Variants in PDS5B observed in about 807,000 individuals in gnomAD.
PDS5B encodes the protein PDS5 cohesin associated factor B.
Under a neutral mutation model 184.1 loss-of-function variants are expected in PDS5B, and 51 were observed. The observed-to-expected ratio is 0.28, with a 90% CI of 0.22 to 0.35. The LOEUF is 0.35. PDS5B is among the 10% of genes least tolerant of loss of function. The pLI is 1.00. For synonymous variants in PDS5B, 566 were observed against 569.2 expected, an observed-to-expected ratio of 0.99 and a Z score of 0.08; for missense variants, 1,180 against 1,723.3, an observed-to-expected ratio of 0.68 and a Z score of 5.58.
At chr13:32,719,031 A>G (rs564181528) in intron 19 of PDS5B, among the ~76,000 whole-genome samples, 1 of 152,352 alleles carries the variant, frequency 6.6e-6, no homozygotes, top group Non-Finnish European at 1.5e-5. Context: ...AAATTATTGC[A>G]TTAAGTGTAT....
chr13:32,659,770 A>G (rs1387437889), intron 6 of PDS5B, among the ~76,000 whole-genome samples: 1 of 152,224 alleles, frequency 6.6e-6, no homozygotes, highest in African/African-American at 2.4e-5. Context: ...TTTTGATTTT[A>G]GAAAATGACT....
chr13:32,770,576 T>C lies in PDS5B; in HGVS notation c.4064+16T>C, dbSNP rs779099544. ...CACAGCAGAGGTAAGCATGTGTAAC[T>C]CTAAACTGCATCTGTTTCGTTACTA... On this transcript the variant is annotated intron_variant, in intron 32 of 34. Coordinates refer to ENST00000315596, the MANE Select transcript of PDS5B (RefSeq NM_015032.4). The C allele has an allele frequency of 5.0e-6, 8 of 1,602,160 alleles. No homozygotes were observed. In the African/African-American group the frequency reaches 9.5e-5, roughly 19 times the overall value.
intron 21 of PDS5B, among the ~76,000 whole-genome samples, chr13:32,735,796 C>T (rs1294269952): frequency 6.6e-6 from 1 of 152,100 alleles, no homozygotes; most frequent in African/African-American, 2.4e-5. Flanking sequence ...TCTGCTGTGA[C>T]AGCACTGTAC....
At chr13:32,758,269 T>C in intron 27 of PDS5B, 50 bp downstream of exon 27, 1 of 1,384,364 alleles carries the variant, frequency 7.2e-7, no homozygotes, top group Non-Finnish European at 9.7e-7. Context: ...TTTAAAAATT[T>C]AGGTGTAAAG....
At chr13:32,768,950 A>C (rs1241493537) in intron 31 of PDS5B, among the ~76,000 whole-genome samples, 4 of 129,470 alleles carry the variant, frequency 3.1e-5, no homozygotes, top group African/African-American at 1.5e-4. Flanking sequence ...AAAAATACAA[A>C]AAAAAAAAAA....
chr13:32,597,186 A>T (rs979327398), intron 1 of PDS5B, among the ~76,000 whole-genome samples: 1 of 148,666 alleles, frequency 6.7e-6, no homozygotes, highest in Admixed American at 6.7e-5. Context: ...GATACGTGCC[A>T]CCATGGCTGG....
At chr13:32,670,700 G>C (rs1175694007) in intron 7 of PDS5B, among the ~76,000 whole-genome samples, 4 of 152,082 alleles carry the variant, frequency 2.6e-5, no homozygotes, top group Non-Finnish European at 5.9e-5. Flanking sequence ...TTTTTCACCA[G>C]TTCTTTTTTT....
chr13:32,706,866 C>T (rs1362788389), intron 17 of PDS5B, 68 bp from the exon 18 acceptor site: 2 of 921,620 alleles, frequency 2.2e-6, no homozygotes, highest in East Asian at 2.5e-5. Flanking sequence ...ATATATGTAA[C>T]ACAGGATTAT....
At chr13:32,628,502 C>T (rs375079379) in intron 1 of PDS5B, among the ~76,000 whole-genome samples, 3 of 150,128 alleles carry the variant, frequency 2.0e-5, no homozygotes, top group South Asian at 2.1e-4. Context: ...GAGCCGAGAT[C>T]GTGCCACTGC....
intron 13 of PDS5B, among the ~76,000 whole-genome samples, chr13:32,691,738 A>G (rs1951556260): frequency 6.6e-6 from 1 of 152,030 alleles, no homozygotes; most frequent in Non-Finnish European, 1.5e-5. Flanking sequence ...CTAGGAGTGG[A>G]GTTTCTATGT....
At chr13:32,621,928 G>T (rs1362626710) in intron 1 of PDS5B, among the ~76,000 whole-genome samples, 9 of 151,852 alleles carry the variant, frequency 5.9e-5, no homozygotes, top group Admixed American at 5.9e-4. Context: ...GCCAGTCTCT[G>T]GTTTGAACTA....
At position 32,631,114 on chromosome 13, in the gene PDS5B, C is replaced by CT. The variant is rs766844209; in HGVS notation, c.-19-17637dup. Among the ~76,000 whole-genome samples the CT allele has an allele frequency of 7.3e-3, 904 of 123,732 alleles. 43 individuals are homozygous for CT. Among genetic ancestry groups the CT allele is most frequent in the African/African-American group, 0.02 (702 of 34,840 alleles). 81.2% of individuals were successfully genotyped at this position (123,732 alleles called of 152,430 possible). ...GGCCATCTCTATTGATTCTTTTTTTCTTTCTTTTTTTTTTTTTTTGAGATG... is the reference window on the plus strand; with the variant it reads ...GGCCATCTCTATTGATTCTTTTTTTCTTTTCTTTTTTTTTTTTTTTGAGATG... On this transcript the variant is annotated intron_variant, in intron 1 of 34. Transcript: ENST00000315596.
At chr13:32,771,856 C>G (rs1235000327) in intron 33 of PDS5B, among the ~76,000 whole-genome samples, 1 of 151,250 alleles carries the variant, frequency 6.6e-6, no homozygotes. Context: ...TATATTTGGA[C>G]ATCATAAAAT....
intron 2 of PDS5B, chr13:32,649,977 A>T (rs1432976267): frequency 6.6e-6 from 1 of 152,152 alleles, no homozygotes; most frequent in Admixed American, 6.5e-5. Context: ...AAACTAATAC[A>T]TTTATTACCT....
chr13:32,619,467 G>A (rs1319293285), intron 1 of PDS5B, among the ~76,000 whole-genome samples: 2 of 152,178 alleles, frequency 1.3e-5, no homozygotes, highest in Admixed American at 6.5e-5. Context: ...GATAAAAAAT[G>A]TAGAGCACTT....
rs77906570 is a variant in PDS5B, at chr13:32,746,939, G to T, written c.2736+839G>T. ...AAATATAGAATCCACAAATAAGGAA[G>T]ACTGACTGTATGTGTTCAGTTCCTG... On this transcript the variant is annotated intron_variant, in intron 24 of 34. Transcript: ENST00000315596. 1.6e-3 allele frequency among the ~76,000 whole-genome samples: 246 copies of T among 152,278 alleles called. 1 individual carries two copies. The highest frequency in any genetic ancestry group is 3.0e-3 in the Non-Finnish European group (203 of 68,022).
chr13:32,763,822 G>T (rs1239062668), intron 30 of PDS5B, among the ~76,000 whole-genome samples: 2 of 152,152 alleles, frequency 1.3e-5, no homozygotes, highest in Non-Finnish European at 2.9e-5. Flanking sequence ...AATTTCAAGT[G>T]AAGTGTTGAG....
intron 1 of PDS5B, among the ~76,000 whole-genome samples, chr13:32,622,599 A>G (rs769919479): frequency 6.6e-6 from 1 of 152,250 alleles, no homozygotes; most frequent in Non-Finnish European, 1.5e-5. Flanking sequence ...TTTCTAGTAT[A>G]TAATCTATCA....
intron 1 of PDS5B, among the ~76,000 whole-genome samples, chr13:32,602,436 T>A (rs1300835599): frequency 6.6e-6 from 1 of 152,240 alleles, no homozygotes; most frequent in Admixed American, 6.5e-5. Context: ...CTCATCCTTT[T>A]TTATAGCTAC....
Sources: gnomAD v4.1 joint callset for allele counts (sites outside exome capture counted in the v4.1 genomes callset) on GRCh38, gnomAD v4.1.1 for gene constraint, MANE v1.5 for transcripts, NCBI Gene and HGNC (gene_info 2026-07-23, HGNC 2026-07-21) for gene names.